The following ZNF165 variants were observed in gnomAD, a reference collection of about 807,000 sequenced individuals.
The protein encoded by ZNF165 is cancer/testis antigen 53.
In ZNF165, 14 loss-of-function variants were observed where a neutral mutation model predicts 19.6. That is an observed-to-expected ratio of 0.71 (90% CI 0.47 to 1.12). The LOEUF (loss-of-function observed/expected upper bound fraction) is 1.12, where lower values mean the gene tolerates loss of function less well. Ranked by LOEUF, ZNF165 falls within the 50% of genes most tolerant of loss-of-function variation. The pLI is 0.00. For missense variants in ZNF165, 504 were observed against 566.3 expected (o/e 0.89, Z 1.12); for synonymous variants, 165 against 195.0 (o/e 0.85, Z 1.28).
At chr6:28,080,287 T>C (rs1406429329), upstream of ZNF165, among the ~76,000 whole-genome samples, 5 of 152,210 alleles carry the variant, frequency 3.3e-5, no homozygotes, top group Non-Finnish European at 7.4e-5. Flanking sequence ...TGTTCAGGTG[T>C]GCTCTCGCCA....
intron 3 of ZNF165, 36 bp downstream of exon 3, chr6:28,086,346 A>G (rs780700024): frequency 6.3e-7 from 1 of 1,580,680 alleles, no homozygotes; most frequent in Admixed American, 1.9e-5. Context: ...CACATCACTA[A>G]AGAAACAGGG....
Position 28,088,958 on chromosome 6 carries a change from G to A in ZNF165, c.946G>A (p.Gly316Arg). 1 of 1,614,042 alleles carries A rather than the reference G, an allele frequency of 6.2e-7. No individual in the cohort carries two copies. Among genetic ancestry groups the A allele is most frequent in the Non-Finnish European group, 8.5e-7 (1 of 1,179,992 alleles). ...TATTAACCATCAAATAATTTATGCT[G>A]GAGAAAAAAATCACCAATATGGAAA... ...DFINHQIIYA[G>R]EKNHQYGKSF... Residue 316 changes from glycine to arginine, a missense_variant, in exon 4 of 4, where the codon GGA becomes AGA. Gly to Arg is a moderately radical substitution (Grantham distance 125, BLOSUM62 -2). Transcript: ENST00000683778.
intron 1 of ZNF165, among the ~76,000 whole-genome samples, chr6:28,082,755 T>G (rs1249203859): frequency 6.6e-6 from 1 of 152,256 alleles, no homozygotes; most frequent in East Asian, 1.9e-4. Flanking sequence ...TTTGGGGGCC[T>G]GTTCCCAACA....
At position 28,085,562 on chromosome 6, in the gene ZNF165, G is replaced by C. The variant is rs1384763791; in HGVS notation, c.82G>C (p.Glu28Gln). The C allele has an allele frequency of 6.2e-7, 1 of 1,614,124 alleles. No individual in the cohort carries two copies. Among genetic ancestry groups the C allele is most frequent in the Non-Finnish European group, 8.5e-7 (1 of 1,180,042 alleles). ...TCTGATAGTGAAGATAGAAGAGGAA[G>C]AATTTATCCATGGGCAGGACACTTG... ...GLLIVKIEEE[E>Q]FIHGQDTCLQ... The change falls in exon 2 of 4, where the codon GAA (glutamate) becomes CAA (glutamine). Residue 28 changes from glutamate (E) to glutamine (Q), a missense_variant. Transcript: ENST00000683778.
Position 28,088,624 on chromosome 6 carries a change from A to C in ZNF165, c.612A>C (p.Ser204=), listed in dbSNP as rs1360530648. 1 of 1,612,556 alleles carries C rather than the reference A, an allele frequency of 6.2e-7. No individual in the cohort carries two copies. Among genetic ancestry groups the C allele is most frequent in the African/African-American group, 1.3e-5 (1 of 74,822 alleles). ...PKLEIFEKIE[S]QRIISGRISG... is the part of the protein sequence containing the mutation. ...TGGAAATTTTTGAAAAAATTGAATC[A>C]CAGAGAATTATATCTGGAAGAATCT... is the stretch of plus-strand genomic sequence containing the variant. Residue 204 remains serine (S), a synonymous_variant, in exon 4 of 4, where the codon TCA becomes TCC. Coordinates refer to ENST00000683778, the MANE Select transcript of ZNF165 (RefSeq NM_001376491.1).
chr6:28,083,602 G>A (rs962225234), intron 1 of ZNF165, among the ~76,000 whole-genome samples: 2 of 152,178 alleles, frequency 1.3e-5, no homozygotes, highest in African/African-American at 4.8e-5. Context: ...ATAGGGGAAC[G>A]ACATAGCAGT....
At position 28,088,634 on chromosome 6, in the gene ZNF165, A is replaced by C. The variant is rs1384899321; in HGVS notation, c.622A>C (p.Ile208Leu). The C allele has an allele frequency of 6.2e-7, 1 of 1,613,882 alleles. No individual in the cohort carries two copies. The highest frequency in any genetic ancestry group is 1.3e-5 in the African/African-American group (1 of 75,044). The change falls in exon 4 of 4, where the codon ATA becomes CTA. Residue 208 changes from isoleucine (I) to leucine (L), a missense_variant. Physicochemically the swap from Ile to Leu is conservative, Grantham distance 5 (BLOSUM62 2). Coordinates refer to ENST00000683778, the MANE Select transcript of ZNF165 (RefSeq NM_001376491.1). ...IFEKIESQRI[I>L]SGRISGYISE... Reference sequence around the variant, plus strand: ...TGAAAAAATTGAATCACAGAGAATTATATCTGGAAGAATCTCAGGATACAT... The same window carrying C: ...TGAAAAAATTGAATCACAGAGAATTCTATCTGGAAGAATCTCAGGATACAT...
chr6:28,088,787 C>A lies in ZNF165; in HGVS notation c.775C>A (p.Leu259Ile). 1 of 1,614,082 alleles carries A rather than the reference C, an allele frequency of 6.2e-7. No homozygotes were observed. Among genetic ancestry groups the A allele is most frequent in the Non-Finnish European group, 8.5e-7 (1 of 1,180,012 alleles). ...SAQDEGFGKI[L>I]THKNTVRGEI... ...CCAGGATGAAGGTTTTGGTAAAATC[C>A]TCACCCACAAAAATACAGTCAGAGG... is the stretch of plus-strand genomic sequence containing the variant. The change falls in exon 4 of 4, where the codon CTC becomes ATC. Residue 259 changes from leucine to isoleucine, a missense_variant. Leu to Ile is a conservative substitution (Grantham distance 5, BLOSUM62 2). Transcript: ENST00000683778.
intron 1 of ZNF165, 99 bp from the exon 2 acceptor site, chr6:28,085,379 ATCT>A: frequency 8.1e-7 from 1 of 1,231,328 alleles, no homozygotes; most frequent in East Asian, 2.4e-5. Flanking sequence ...GTGGTCTTTC[ATCT>A]TCTTAGACAG....
chr6:28,087,814 AAGAG>A (rs70983930), intron 3 of ZNF165, among the ~76,000 whole-genome samples: 4 of 152,110 alleles, frequency 2.6e-5, no homozygotes, highest in Non-Finnish European at 4.4e-5. Flanking sequence ...TGAACAAAAA[AAGAG>A]AGAGAGAGAT....
At chr6:28,082,984 T>G (rs56364346) in intron 1 of ZNF165, among the ~76,000 whole-genome samples, 35,660 of 152,122 alleles carry the variant, frequency 0.23, 4,349 homozygotes, top group African/African-American at 0.3. Flanking sequence ...TCATGGAACA[T>G]CAATCAGTTG....
Position 28,089,256 on chromosome 6 carries a change from T to G in ZNF165, c.1244T>G (p.Leu415Arg). The G allele has an allele frequency of 6.2e-7, 1 of 1,614,176 alleles. No homozygotes were observed. The highest frequency in any genetic ancestry group is 8.5e-7 in the Non-Finnish European group (1 of 1,180,026). The stretch of plus-strand genomic sequence containing the variant: ...AGAGCATTCAACCTGAACTCACATC[T>G]TATCAGGCATCAGAGAATTCACACC... ...CGRAFNLNSH[L>R]IRHQRIHTRE... The change falls in exon 4 of 4, where the codon CTT becomes CGT. Residue 415 changes from leucine to arginine, a missense_variant. Leu to Arg is a moderately radical substitution (Grantham distance 102). Transcript: ENST00000683778.
At chr6:28,083,320 CTTTAAAG>C (rs1026709182) in intron 1 of ZNF165, among the ~76,000 whole-genome samples, 7 of 152,182 alleles carry the variant, frequency 4.6e-5, no homozygotes, top group African/African-American at 9.7e-5. Context: ...TTGTTCTCCA[CTTTAAAG>C]TTTAACCTCA....
intron 1 of ZNF165, among the ~76,000 whole-genome samples, chr6:28,083,284 A>G (rs1208371517): frequency 6.6e-6 from 1 of 152,226 alleles, no homozygotes; most frequent in Non-Finnish European, 1.5e-5. Context: ...TCTTCAAAGA[A>G]TCAGTATGTC....
chr6:28,083,202 C>T (rs1029230822), intron 1 of ZNF165, among the ~76,000 whole-genome samples: 2 of 152,180 alleles, frequency 1.3e-5, no homozygotes, highest in South Asian at 2.1e-4. Flanking sequence ...CTGTTCCTTT[C>T]CTTTCTGAAT....
At chr6:28,083,372 C>G (rs1399445940) in intron 1 of ZNF165, among the ~76,000 whole-genome samples, 1 of 151,572 alleles carries the variant, frequency 6.6e-6, no homozygotes, top group African/African-American at 2.4e-5. Flanking sequence ...ACAACCTTTT[C>G]CACCAGTTCC....
In ZNF165 at chr6:28,085,740, A is replaced by G. The variant is rs970018216; in HGVS notation, c.260A>G (p.Gln87Arg). 5 of 1,613,874 alleles carry G rather than the reference A, an allele frequency of 3.1e-6. No homozygotes were observed. Among genetic ancestry groups the G allele is most frequent in the Non-Finnish European group, 4.2e-6 (5 of 1,180,048 alleles). ...AAGCCAGAGATCCATACCAAGGAACAGATTCTGGAACTGCTGGTGCTAGAG... is the reference window on the plus strand; with the variant it reads ...AAGCCAGAGATCCATACCAAGGAACGGATTCTGGAACTGCTGGTGCTAGAG... ...WLKPEIHTKE[Q>R]ILELLVLEQF... Residue 87 changes from glutamine (Q) to arginine (R), a missense_variant, in exon 2 of 4, where the codon CAG (glutamine) becomes CGG (arginine). Physicochemically the swap from Gln to Arg is conservative, Grantham distance 43. Transcript: ENST00000683778.
intron 2 of ZNF165, 113 bp from the exon 3 acceptor site, chr6:28,086,059 A>C: frequency 1.3e-6 from 2 of 1,513,922 alleles, no homozygotes; most frequent in Non-Finnish European, 1.8e-6. Context: ...ATTAAATCAG[A>C]CTCGATTCTT....
chr6:28,087,182 G>A (rs577818226), intron 3 of ZNF165, among the ~76,000 whole-genome samples: 76 of 152,254 alleles, frequency 5.0e-4, no homozygotes, highest in Non-Finnish European at 8.4e-4. Flanking sequence ...CACTTAAGGT[G>A]TGAATTGTCC....
Sources: allele counts gnomAD v4.1 joint callset (sites outside exome capture counted in the v4.1 genomes callset), GRCh38; gene constraint gnomAD v4.1.1; transcripts MANE v1.5; gene names NCBI Gene and HGNC (gene_info 2026-07-23, HGNC 2026-07-21).